Variants in TNFRSF10B observed in about 807,000 individuals in gnomAD.
The protein encoded by TNFRSF10B is TNF receptor superfamily member 10b.
TNFRSF10B carries 35 observed loss-of-function variants against 41.4 expected under a neutral mutation model. That is an observed-to-expected ratio of 0.85 (90% CI 0.65 to 1.12). The LOEUF is 1.12. Ranked by LOEUF, TNFRSF10B falls within the 50% of genes most tolerant of loss-of-function variation. TNFRSF10B has a pLI of 0.00. For missense variants in TNFRSF10B, 584 were observed against 552.7 expected, an observed-to-expected ratio of 1.06 and a Z score of -0.57; for synonymous variants, 230 against 215.5, an observed-to-expected ratio of 1.07 and a Z score of -0.59.
At chr8:23,067,875 C>A (rs1813040619) in intron 1 of TNFRSF10B, among the ~76,000 whole-genome samples, 1 of 152,210 alleles carries the variant, frequency 6.6e-6, no homozygotes, top group Non-Finnish European at 1.5e-5. Context: ...CCACTCTGAG[C>A]TGCGGTCTCT....
rs1483050714 is a variant in TNFRSF10B, at chr8:23,068,942, C to G, written c.-48G>C. 6.2e-7 allele frequency: 1 copy of G among 1,612,884 alleles called. No individual in the cohort carries two copies. Among genetic ancestry groups the G allele is most frequent in the Non-Finnish European group, 8.5e-7 (1 of 1,179,876 alleles). On this transcript the variant is annotated 5_prime_UTR_variant, in exon 1 of 9. Transcript: ENST00000276431. ...GTCTCTCAGGCCCGTGGGTTTCAGCCCTTAAAGTAGATCGGGCATCGTCGG... is the reference window on the plus strand; with the variant it reads ...GTCTCTCAGGCCCGTGGGTTTCAGCGCTTAAAGTAGATCGGGCATCGTCGG...
chr8:23,027,589 C>A, intron 6 of TNFRSF10B, 133 bp downstream of exon 6: 1 of 1,276,762 alleles, frequency 7.8e-7, no homozygotes, highest in Non-Finnish European at 1.1e-6. Flanking sequence ...CACAGTCAGC[C>A]CAGAGCACCC....
intron 1 of TNFRSF10B, among the ~76,000 whole-genome samples, chr8:23,059,499 G>A (rs187018891): frequency 8.2e-5 from 11 of 134,400 alleles, no homozygotes; most frequent in Middle Eastern, 7.5e-3. Flanking sequence ...AATGCTTATT[G>A]TGTGTGTGTG....
rs752925768 is a variant in TNFRSF10B at position 23,036,528 on chromosome 8, G to T, written c.251-5656C>A. Among the ~76,000 whole-genome samples the T allele has an allele frequency of 2.6e-5, 4 of 152,180 alleles. 1 individual carries two copies. Among genetic ancestry groups the T allele is most frequent in the Non-Finnish European group, 2.9e-5 (2 of 68,042 alleles). On this transcript the variant is annotated intron_variant, in intron 2 of 8. Coordinates refer to ENST00000276431, the MANE Select transcript of TNFRSF10B (RefSeq NM_003842.5). ...CAGCATCACATCCACTGTCTGGGACGTCCCTGAAGGACAGTGGTGAAAAGA... is the reference window on the plus strand; with the variant it reads ...CAGCATCACATCCACTGTCTGGGACTTCCCTGAAGGACAGTGGTGAAAAGA...
chr8:23,038,738 T>C (rs1812092446), intron 2 of TNFRSF10B, among the ~76,000 whole-genome samples: 1 of 152,186 alleles, frequency 6.6e-6, no homozygotes, highest in Admixed American at 6.5e-5. Context: ...ATCTTATTAT[T>C]TCCATTACTT....
intron 1 of TNFRSF10B, among the ~76,000 whole-genome samples, chr8:23,067,885 T>C (rs1468657947): frequency 1.3e-5 from 2 of 152,188 alleles, no homozygotes; most frequent in Admixed American, 1.3e-4. Context: ...CTGCGGTCTC[T>C]TCCTCTGTAA....
chr8:23,021,122 C>G lies in TNFRSF10B; in HGVS notation c.*1549G>C, dbSNP rs1342126397. On this transcript the variant is annotated 3_prime_UTR_variant, in exon 9 of 9. Transcript: ENST00000276431. ...TGGAATGACTACCTGCATAAATGAT[C>G]CTTCCATGACTGAAATACTATGGAG... The G allele has an allele frequency of 8.8e-6, 4 of 453,942 alleles. No individual in the cohort carries two copies. Among genetic ancestry groups the G allele is most frequent in the Non-Finnish European group, 1.3e-5 (3 of 226,802 alleles). The allele number at this position is 453,942 out of a possible 1,614,324, so 28.1% of individuals were successfully genotyped here.
chr8:23,041,196 C>T (rs547446713), intron 2 of TNFRSF10B, among the ~76,000 whole-genome samples: 23 of 151,926 alleles, frequency 1.5e-4, no homozygotes, highest in Middle Eastern at 3.4e-3. Flanking sequence ...GTAGCTGGGA[C>T]TACAGGCACG....
chr8:23,024,389 C>A, intron 7 of TNFRSF10B, 129 bp from the exon 8 acceptor site: 1 of 1,015,300 alleles, frequency 9.8e-7, no homozygotes, highest in Non-Finnish European at 1.5e-6. Context: ...AAAGGTCTGG[C>A]AACAAGACAG....
chr8:23,055,311 A>G (rs1390556166), intron 1 of TNFRSF10B, among the ~76,000 whole-genome samples: 5 of 152,084 alleles, frequency 3.3e-5, no homozygotes, highest in Non-Finnish European at 5.9e-5. Context: ...TTGGTGCCCC[A>G]TAACAATGAC....
intron 2 of TNFRSF10B, among the ~76,000 whole-genome samples, chr8:23,031,308 C>A (rs1471320627): frequency 1.3e-5 from 2 of 152,138 alleles, no homozygotes; most frequent in Non-Finnish European, 2.9e-5. Context: ...GATCTCCTGA[C>A]CTCATGATCT....
intron 2 of TNFRSF10B, among the ~76,000 whole-genome samples, chr8:23,037,938 G>C (rs977058205): frequency 6.6e-6 from 1 of 152,172 alleles, no homozygotes; most frequent in Non-Finnish European, 1.5e-5. Flanking sequence ...TGCTTTGCTA[G>C]AGCTCTGAGT....
At position 23,024,276 on chromosome 8, in the gene TNFRSF10B, G is replaced by C; in HGVS notation, c.937-16C>G. Reference sequence around the variant, plus strand: ...CTGCCGGTTCCTGTAACACATAGTGGGGAATGTCCTGGTCAGAGCCAGGAG... The same window carrying C: ...CTGCCGGTTCCTGTAACACATAGTGCGGAATGTCCTGGTCAGAGCCAGGAG... On this transcript the variant is annotated splice_polypyrimidine_tract_variant and intron_variant, in intron 7 of 8. Transcript: ENST00000276431. 2 of 1,613,858 alleles carry C rather than the reference G, an allele frequency of 1.2e-6. No individual in the cohort carries two copies. Among genetic ancestry groups the C allele is most frequent in the Non-Finnish European group, 1.7e-6 (2 of 1,179,886 alleles).
chr8:23,030,304 G>GTAT (rs1387130391), intron 3 of TNFRSF10B, among the ~76,000 whole-genome samples: 1 of 152,136 alleles, frequency 6.6e-6, no homozygotes, highest in African/African-American at 2.4e-5. Context: ...AATAATTTCT[G>GTAT]TATTATTATT....
At chr8:23,050,164 C>G (rs1190462663) in intron 1 of TNFRSF10B, among the ~76,000 whole-genome samples, 1 of 152,220 alleles carries the variant, frequency 6.6e-6, no homozygotes, top group Non-Finnish European at 1.5e-5. Context: ...CCGGTACTGC[C>G]AAGGGAAGCA....
chr8:23,029,123 C>A (rs1454651213), intron 4 of TNFRSF10B, among the ~76,000 whole-genome samples: 1 of 152,096 alleles, frequency 6.6e-6, no homozygotes, highest in East Asian at 1.9e-4. Flanking sequence ...GGGGTGAGGC[C>A]GGCTGGGTGG....
intron 7 of TNFRSF10B, 30 bp downstream of exon 7, chr8:23,027,103 A>G: frequency 6.2e-7 from 1 of 1,613,428 alleles, no homozygotes; most frequent in Non-Finnish European, 8.5e-7. Context: ...GCAGCATGCC[A>G]GGAAACAAAA....
At chr8:23,059,434 A>C (rs1323435430) in intron 1 of TNFRSF10B, among the ~76,000 whole-genome samples, 1 of 152,216 alleles carries the variant, frequency 6.6e-6, no homozygotes, top group East Asian at 1.9e-4. Context: ...TGGCTGCACC[A>C]TTTTACATTC....
chr8:23,028,814 C>G (rs1811792029), intron 4 of TNFRSF10B, among the ~76,000 whole-genome samples: 1 of 152,200 alleles, frequency 6.6e-6, no homozygotes, highest in African/African-American at 2.4e-5. Flanking sequence ...CCTCCCTGCT[C>G]TGGGGTCAGA....
Sources: gnomAD v4.1 joint callset for allele counts (sites outside exome capture counted in the v4.1 genomes callset) on GRCh38, gnomAD v4.1.1 for gene constraint, MANE v1.5 for transcripts, NCBI Gene and HGNC (gene_info 2026-07-23, HGNC 2026-07-21) for gene names.